The following CPNE4 variants were observed in gnomAD, a reference collection of about 807,000 sequenced individuals.
The protein encoded by CPNE4 is copine-4.
A neutral mutation model predicts 67.9 loss-of-function variants in CPNE4; 25 were observed. The observed-to-expected ratio is 0.37, with a 90% CI of 0.27 to 0.51. The LOEUF (loss-of-function observed/expected upper bound fraction) is 0.51. Among genes scored for constraint, CPNE4 ranks in the 20% least tolerant of loss-of-function variants. CPNE4 has a pLI of 0.93. For missense variants in CPNE4, 464 were observed against 690.8 expected (o/e 0.67, Z 3.68); for synonymous variants, 242 against 244.9 (o/e 0.99, Z 0.11).
chr3:131,628,088 TAA>T (rs2079122860), intron 7 of CPNE4, among the ~76,000 whole-genome samples: 1 of 152,158 alleles, frequency 6.6e-6, no homozygotes, highest in African/African-American at 2.4e-5. Flanking sequence ...TTTCATGAAA[TAA>T]AGAGTCAACG....
At chr3:131,786,495 T>C (rs1038200326) in intron 2 of CPNE4, among the ~76,000 whole-genome samples, 1 of 152,142 alleles carries the variant, frequency 6.6e-6, no homozygotes, top group African/African-American at 2.4e-5. Context: ...GGGCTTTACA[T>C]TACCTTTTCT....
At chr3:131,938,980 A>G (rs1249185810) in intron 1 of CPNE4, among the ~76,000 whole-genome samples, 1 of 152,178 alleles carries the variant, frequency 6.6e-6, no homozygotes, top group Non-Finnish European at 1.5e-5. Context: ...ACTTGTCAAT[A>G]TAGCTTGCTG....
intron 7 of CPNE4, among the ~76,000 whole-genome samples, chr3:131,666,051 T>G (rs1366314960): frequency 6.6e-6 from 1 of 151,964 alleles, no homozygotes; most frequent in Non-Finnish European, 1.5e-5. Context: ...AGGTAAAATA[T>G]CCAGGAAAAC....
At chr3:131,722,182 C>T (rs2081904622) in intron 3 of CPNE4, among the ~76,000 whole-genome samples, 1 of 152,108 alleles carries the variant, frequency 6.6e-6, no homozygotes, top group African/African-American at 2.4e-5. Flanking sequence ...ATATGCTTGC[C>T]ATCTCTTTGT....
chr3:131,978,486 TTATATATATTTATATATTTA>T (rs2072802836), intron 1 of CPNE4, among the ~76,000 whole-genome samples: 1 of 62,904 alleles, frequency 1.6e-5, no homozygotes, highest in Non-Finnish European at 2.7e-5. Context: ...TTATATATAT[TTATATATATTTATATATTTA>T]TATATATTTA....
intron 1 of CPNE4, among the ~76,000 whole-genome samples, chr3:131,906,244 TTTG>T (rs906046000): frequency 2.8e-4 from 43 of 152,094 alleles, no homozygotes; most frequent in African/African-American, 9.6e-4. Flanking sequence ...TTATTTTGTT[TTTG>T]TTTTTTTGTT....
At chr3:131,955,217 A>G (rs1020073254) in intron 1 of CPNE4, among the ~76,000 whole-genome samples, 1 of 151,924 alleles carries the variant, frequency 6.6e-6, no homozygotes. Context: ...TAACAGTACC[A>G]TTTCTAAATG....
At chr3:131,901,041 T>C (rs1414350630) in intron 2 of CPNE4, among the ~76,000 whole-genome samples, 1 of 152,034 alleles carries the variant, frequency 6.6e-6, no homozygotes, top group East Asian at 1.9e-4. Flanking sequence ...GTGTTCCCAA[T>C]GAGAACAAGT....
At chr3:132,038,764 A>G (rs1300601871), upstream of CPNE4, among the ~76,000 whole-genome samples, 1 of 152,192 alleles carries the variant, frequency 6.6e-6, no homozygotes, top group Non-Finnish European at 1.5e-5. Context: ...CTCTGGGCTT[A>G]AGGAATATTA....
At chr3:131,888,012 T>C (rs2087963326) in intron 2 of CPNE4, among the ~76,000 whole-genome samples, 2 of 152,178 alleles carry the variant, frequency 1.3e-5, no homozygotes, top group Admixed American at 1.3e-4. Context: ...CTTCACACGA[T>C]CTGAAACTCT....
chr3:131,938,796 G>A lies in CPNE4; in HGVS notation c.-1-33352C>T, dbSNP rs1219172789. Reference sequence around the variant, plus strand: ...AGGATTACAATTTGAGATGATTTGGGTAGGGACACAGAGCCAAACCATATA... The same window carrying A: ...AGGATTACAATTTGAGATGATTTGGATAGGGACACAGAGCCAAACCATATA... On this transcript the variant is annotated intron_variant, in intron 1 of 15. Coordinates refer to ENST00000429747, the MANE Select transcript of CPNE4 (RefSeq NM_130808.3). 2.0e-5 allele frequency among the ~76,000 whole-genome samples: 3 copies of A among 152,200 alleles called. No individual in the cohort carries two copies. In the East Asian group the frequency reaches 5.8e-4, roughly 29 times the overall value.
intron 7 of CPNE4, among the ~76,000 whole-genome samples, chr3:131,630,486 A>C (rs1275843305): frequency 1.3e-5 from 2 of 152,368 alleles, no homozygotes; most frequent in South Asian, 2.1e-4. Flanking sequence ...TCATTTCTCA[A>C]GTGAGTGGAA....
chr3:131,710,676 G>A lies in CPNE4; in HGVS notation c.361-10696C>T, dbSNP rs76370432. Among the ~76,000 whole-genome samples, 1,421 of 152,174 alleles carry A rather than the reference G, an allele frequency of 9.3e-3. 29 individuals are homozygous for A. The highest frequency in any genetic ancestry group is 0.032 in the African/African-American group (1,334 of 41,518). On this transcript the variant is annotated intron_variant, in intron 3 of 15. Coordinates refer to ENST00000429747, the MANE Select transcript of CPNE4 (RefSeq NM_130808.3). ...GAGCCTAATTCATAATTTATCAAGC[G>A]GGGCTTCACATAACATAATATCTGA...
chr3:132,011,604 C>A (rs568682366), intron 1 of CPNE4, among the ~76,000 whole-genome samples: 10 of 152,144 alleles, frequency 6.6e-5, no homozygotes, highest in Non-Finnish European at 1.5e-4. Context: ...AAAGTCAAAC[C>A]CCAAAAGACA....
At chr3:131,926,678 C>T (rs1002833449) in intron 1 of CPNE4, among the ~76,000 whole-genome samples, 1 of 152,080 alleles carries the variant, frequency 6.6e-6, no homozygotes, top group Admixed American at 6.6e-5. Context: ...AAAGTTGGTA[C>T]CTGCAAACCT....
intron 2 of CPNE4, among the ~76,000 whole-genome samples, chr3:131,895,399 G>T (rs1290651364): frequency 1.3e-5 from 2 of 152,028 alleles, no homozygotes; most frequent in Admixed American, 6.6e-5. Context: ...AAATGCATGA[G>T]ATGAAGCATA....
At position 131,770,425 on chromosome 3, in the gene CPNE4, C is replaced by T. The variant is rs568174796; in HGVS notation, c.181-46800G>A. Among the ~76,000 whole-genome samples the T allele has an allele frequency of 2.0e-4, 30 of 152,342 alleles. 1 individual carries two copies. The South Asian group carries it at 4.6e-3, about 23-fold the overall frequency. ...GGGTATAGTGACTTCCCTTTCTCCC[C>T]GCAAAGCGGGGTAGAACTTCATCAC... On this transcript the variant is annotated intron_variant, in intron 2 of 15. Transcript: ENST00000429747.
intron 7 of CPNE4, among the ~76,000 whole-genome samples, chr3:131,607,753 A>G (rs112305349): frequency 0.012 from 1,832 of 152,272 alleles, 46 homozygotes; most frequent in African/African-American, 0.041. Context: ...CAGATCCTCA[A>G]ATACATTTGG....
At chr3:132,029,186 A>G (rs566156166) in intron 1 of CPNE4, among the ~76,000 whole-genome samples, 1 of 152,266 alleles carries the variant, frequency 6.6e-6, no homozygotes, top group South Asian at 2.1e-4. Context: ...GTGTAAGGAA[A>G]CAAAGGGCGA....
Sources: gnomAD v4.1 joint callset for allele counts (sites outside exome capture counted in the v4.1 genomes callset) on GRCh38, gnomAD v4.1.1 for gene constraint, MANE v1.5 for transcripts, NCBI Gene and HGNC (gene_info 2026-07-23, HGNC 2026-07-21) for gene names.